LYST: variants seen among roughly 807,000 people sequenced by gnomAD.
LYST encodes the protein lysosomal trafficking regulator, also known as lysosomal-trafficking regulator.
LYST carries 192 observed loss-of-function variants against 413.6 expected under a neutral mutation model. The observed-to-expected ratio is 0.46, with a 90% CI of 0.41 to 0.52. The LOEUF is 0.52. LYST is among the 20% of genes least tolerant of loss of function. LYST has a pLI of 0.00. For missense variants in LYST, 3,815 were observed against 4,499.9 expected (o/e 0.85, Z 4.35); for synonymous variants, 1,525 against 1,567.3 (o/e 0.97, Z 0.64).
At chr1:235,831,665 ACT>A (rs774897205) in intron 2 of LYST, among the ~76,000 whole-genome samples, 33 of 152,170 alleles carry the variant, frequency 2.2e-4, no homozygotes, top group South Asian at 1.9e-3. Flanking sequence ...TATTACAGTA[ACT>A]CTCTTTTAGT....
At chr1:235,719,423 A>T (rs903847686) in intron 40 of LYST, among the ~76,000 whole-genome samples, 4 of 152,202 alleles carry the variant, frequency 2.6e-5, no homozygotes, top group Non-Finnish European at 4.4e-5. Flanking sequence ...ATTTAGAAGA[A>T]ATGAGAGAAT....
Position 235,781,024 on chromosome 1 carries a change from A to T in LYST, c.5055T>A (p.Tyr1685Ter). Residue 1685 changes from tyrosine to a stop codon, truncating the protein, a stop_gained, in exon 16 of 53, where the codon TAT becomes TAA. Transcript: ENST00000389793. LOFTEE classifies it high-confidence loss of function. ...TATGGTTGGGTCCACAAGCATACAG[A>T]TAAAAGGCCTCTTGTGAACCAACCT... ...GAKVGSQEAF[Y>*]LYACGPNHTS... is the part of the protein sequence containing the mutation. 6.2e-7 allele frequency: 1 copy of T among 1,612,474 alleles called. No homozygotes were observed. The highest frequency in any genetic ancestry group is 1.1e-5 in the South Asian group (1 of 90,970).
intron 1 of LYST, among the ~76,000 whole-genome samples, chr1:235,835,870 A>G (rs1383285979): frequency 2.0e-5 from 3 of 152,180 alleles, no homozygotes; most frequent in Non-Finnish European, 4.4e-5. Flanking sequence ...CTGTCTTATT[A>G]CTTTTTACCT....
Position 235,854,686 on chromosome 1 carries a change from T to C in LYST, c.-98+12157A>G, listed in dbSNP as rs927398434. Among the ~76,000 whole-genome samples, 9 of 152,204 alleles carry C rather than the reference T, an allele frequency of 5.9e-5. No homozygotes were observed. Among genetic ancestry groups the C allele is most frequent in the Non-Finnish European group, 2.9e-5 (2 of 68,028 alleles). ...AACGAGATAATTCATGTAAAATGCA[T>C]AGCACAGTGCCTGGCAGATTGCAGG... On this transcript the variant is annotated intron_variant, in intron 1 of 52. Coordinates refer to ENST00000389793, the MANE Select transcript of LYST (RefSeq NM_000081.4). The surrounding 1 kb of genome is among the most constrained non-coding windows in gnomAD (Gnocchi z 4.1).
Position 235,777,114 on chromosome 1 carries a change from G to T in LYST, c.5409C>A (p.Gly1803=), listed in dbSNP as rs1373417685. ...LQPTEYKTIQ[G]ILHEIGGTGI... ...CAGTTCCACCAATTTCGTGCAGAATGCCTTGAATAGTTTTATATTCAGTAG... is the reference window on the plus strand; with the variant it reads ...CAGTTCCACCAATTTCGTGCAGAATTCCTTGAATAGTTTTATATTCAGTAG... Residue 1803 remains glycine (G), a synonymous_variant, in exon 17 of 53, where the codon GGC becomes GGA. Transcript: ENST00000389793. 6.2e-7 allele frequency: 1 copy of T among 1,612,414 alleles called. No individual in the cohort carries two copies. Among genetic ancestry groups the T allele is most frequent in the Admixed American group, 1.7e-5 (1 of 60,002 alleles).
intron 22 of LYST, among the ~76,000 whole-genome samples, chr1:235,761,428 A>C (rs1667573186): frequency 6.6e-6 from 1 of 152,198 alleles, no homozygotes; most frequent in Non-Finnish European, 1.5e-5. Flanking sequence ...TTCTTCTATA[A>C]AGTAGCGATG....
chr1:235,882,024 T>A (rs142248578), intron 1 of LYST, among the ~76,000 whole-genome samples: 1 of 151,046 alleles, frequency 6.6e-6, no homozygotes, highest in Non-Finnish European at 1.5e-5. Flanking sequence ...ATAAATTTTA[T>A]GTTATGTATA....
At chr1:235,756,475 A>G (rs1004177345) in intron 24 of LYST, among the ~76,000 whole-genome samples, 3 of 152,052 alleles carry the variant, frequency 2.0e-5, no homozygotes, top group African/African-American at 7.2e-5. Flanking sequence ...ATTTCCCTTT[A>G]TATACTATAT....
chr1:235,793,439 T>C lies in LYST; in HGVS notation c.4116+64A>G, dbSNP rs573541897. 1.9e-4 allele frequency: 145 copies of C among 777,994 alleles called. 1 individual carries two copies. In the South Asian group the frequency reaches 2.2e-3, roughly 12 times the overall value. The allele number at this position is 777,994 out of a possible 1,614,324, so 48.2% of individuals were successfully genotyped here. ...CATTTCTAAATAATTAAAAATACAT[T>C]CTATTAAAAATTGTAAGTGAAAGAA... On this transcript the variant is annotated intron_variant, in intron 11 of 52. Transcript: ENST00000389793.
intron 1 of LYST, among the ~76,000 whole-genome samples, chr1:235,879,311 A>G (rs1004948761): frequency 6.6e-6 from 1 of 152,244 alleles, no homozygotes; most frequent in African/African-American, 2.4e-5. Flanking sequence ...TGACCAGTTG[A>G]AGGCAGGCAT....
chr1:235,725,568 T>C (rs1042765259), intron 38 of LYST, among the ~76,000 whole-genome samples: 14 of 152,212 alleles, frequency 9.2e-5, no homozygotes, highest in African/African-American at 2.9e-4. Context: ...TGCCATCATA[T>C]AGATTTAGGT....
intron 44 of LYST, among the ~76,000 whole-genome samples, chr1:235,705,680 C>T (rs1318970775): frequency 2.0e-5 from 3 of 152,122 alleles, no homozygotes. Context: ...GCCACTGTGC[C>T]TGGCCCAGTG....
chr1:235,789,266 T>A (rs1376156445), intron 12 of LYST, among the ~76,000 whole-genome samples: 2 of 151,530 alleles, frequency 1.3e-5, no homozygotes, highest in African/African-American at 2.4e-5. Flanking sequence ...TGGCATGATT[T>A]AAAAAAAAAT....
chr1:235,683,393 A>ACTT (rs1367375349), intron 48 of LYST, among the ~76,000 whole-genome samples: 8 of 152,252 alleles, frequency 5.3e-5, no homozygotes, highest in African/African-American at 1.9e-4. Flanking sequence ...CACGTTACTT[A>ACTT]CTTCGTGACA....
At chr1:235,751,073 T>C (rs890943871) in intron 28 of LYST, 137 bp downstream of exon 28, 9 of 813,584 alleles carry the variant, frequency 1.1e-5, no homozygotes, top group Admixed American at 4.0e-5. Context: ...AGGAGCAGAA[T>C]AGTTTCCTTC....
intron 34 of LYST, among the ~76,000 whole-genome samples, chr1:235,732,638 A>G (rs932888864): frequency 2.6e-5 from 4 of 152,204 alleles, no homozygotes; most frequent in African/African-American, 9.6e-5. Flanking sequence ...AGCAGCCAAA[A>G]TTTTTGTTAA....
intron 43 of LYST, among the ~76,000 whole-genome samples, chr1:235,711,542 A>G (rs1662399325): frequency 6.6e-6 from 1 of 152,220 alleles, no homozygotes; most frequent in Non-Finnish European, 1.5e-5. Flanking sequence ...CTGCTCTTCT[A>G]TTTAAGAATA....
chr1:235,749,101 T>C (rs1306140077), intron 28 of LYST, among the ~76,000 whole-genome samples: 3 of 152,158 alleles, frequency 2.0e-5, no homozygotes, highest in Non-Finnish European at 4.4e-5. Flanking sequence ...ATGACAGAAA[T>C]AGAAATCCCT....
At position 235,752,152 on chromosome 1, in the gene LYST, T is replaced by C; in HGVS notation, c.7480A>G (p.Lys2494Glu). Residue 2494 changes from lysine to glutamate, a missense_variant, in exon 27 of 53, where the codon AAA becomes GAA. Lys to Glu is a moderately conservative substitution (Grantham distance 56). Transcript: ENST00000389793. ...LEKNIPMSEY[K>E]LLACDIQQLF... ...TGCTGTATATCACAAGCAAGCAATT[T>C]ATATTCACTCATGGGAATGCTAAAG... 1 of 1,610,016 alleles carries C rather than the reference T, an allele frequency of 6.2e-7. No individual in the cohort carries two copies. The highest frequency in any genetic ancestry group is 1.1e-5 in the South Asian group (1 of 90,942).
Sources: gnomAD v4.1 joint callset for allele counts (sites outside exome capture counted in the v4.1 genomes callset) on GRCh38, gnomAD v4.1.1 for gene constraint, Gnocchi (gnomAD v3.1) non-coding constraint, MANE v1.5 for transcripts, NCBI Gene and HGNC (gene_info 2026-07-23, HGNC 2026-07-21) for gene names.